Variants in OTUD3 observed in about 807,000 individuals in gnomAD.
OTUD3 encodes the protein OTU domain-containing protein 3.
Under a neutral mutation model 46.2 loss-of-function variants are expected in OTUD3, and 24 were observed. That is an observed-to-expected ratio of 0.52 (90% CI 0.38 to 0.73). The LOEUF (loss-of-function observed/expected upper bound fraction) is 0.73, where lower values mean the gene tolerates loss of function less well. Among genes scored for constraint, OTUD3 ranks in the 30% least tolerant of loss-of-function variants. The pLI, the probability that OTUD3 is intolerant of heterozygous loss-of-function variation, is 0.00. For synonymous variants in OTUD3, 189 were observed against 195.4 expected (o/e 0.97, Z 0.27); for missense variants, 455 against 523.3 (o/e 0.87, Z 1.27).
chr1:19,892,272 A>G (rs941496231), intron 2 of OTUD3, among the ~76,000 whole-genome samples: 3 of 152,196 alleles, frequency 2.0e-5, no homozygotes, highest in African/African-American at 7.2e-5. Context: ...AAGTCTGCAC[A>G]TTCTCTTTGT....
chr1:19,894,777 A>T (rs2045494488), intron 3 of OTUD3, among the ~76,000 whole-genome samples: 1 of 152,222 alleles, frequency 6.6e-6, no homozygotes, highest in African/African-American at 2.4e-5. Context: ...GTCACCCCCT[A>T]AAGTCAGAGT....
At chr1:19,907,545 TCAC>T in intron 7 of OTUD3, 22 bp from the exon 8 acceptor site, 1 of 1,611,472 alleles carries the variant, frequency 6.2e-7, no homozygotes, top group Non-Finnish European at 8.5e-7. Flanking sequence ...TGCTTCCTAC[TCAC>T]CACCATGGCC....
rs535763358 is a variant in OTUD3, at chr1:19,907,463, G to C, written c.1021-107G>C. 6.2e-5 allele frequency: 63 copies of C among 1,023,544 alleles called. No individual in the cohort carries two copies. In the East Asian group the frequency reaches 1.5e-3, roughly 25 times the overall value. The allele number at this position is 1,023,544 out of a possible 1,614,324, so 63.4% of individuals were successfully genotyped here. On this transcript the variant is annotated intron_variant, in intron 7 of 7. Transcript: ENST00000375120. ...TTGGCGTCTTAGATTGGTTTTCCCTGTTCCTGCTGAAAAGCAATCTGTGCC... is the reference window on the plus strand; with the variant it reads ...TTGGCGTCTTAGATTGGTTTTCCCTCTTCCTGCTGAAAAGCAATCTGTGCC...
intron 4 of OTUD3, among the ~76,000 whole-genome samples, chr1:19,901,795 C>G (rs1030005657): frequency 6.6e-6 from 1 of 152,108 alleles, no homozygotes. Flanking sequence ...GCTTCTTTCC[C>G]TCAGTATAAT....
chr1:19,901,662 A>G (rs1224399065), intron 4 of OTUD3, among the ~76,000 whole-genome samples: 1 of 152,202 alleles, frequency 6.6e-6, no homozygotes, highest in East Asian at 1.9e-4. Flanking sequence ...CCTCATATCC[A>G]TTAAGCAGTG....
At chr1:19,887,373 C>T (rs57861750) in intron 1 of OTUD3, among the ~76,000 whole-genome samples, 15,886 of 152,162 alleles carry the variant, frequency 0.1, 955 homozygotes, top group Admixed American at 0.15. Context: ...CATGAGCCAC[C>T]GCACCCGGCT....
chr1:19,886,666 AT>A (rs1284279682), intron 1 of OTUD3, among the ~76,000 whole-genome samples: 1 of 152,246 alleles, frequency 6.6e-6, no homozygotes, highest in East Asian at 1.9e-4. Context: ...AGAGTGACTG[AT>A]TTAGAGTCTA....
At chr1:19,898,741 A>C (rs1479674044) in intron 4 of OTUD3, among the ~76,000 whole-genome samples, 1 of 152,148 alleles carries the variant, frequency 6.6e-6, no homozygotes, top group Non-Finnish European at 1.5e-5. Context: ...AAAAAAAAAA[A>C]AAATTAGCAT....
intron 4 of OTUD3, among the ~76,000 whole-genome samples, chr1:19,903,547 C>G (rs1312098059): frequency 2.0e-5 from 3 of 152,168 alleles, no homozygotes; most frequent in African/African-American, 7.2e-5. Context: ...AAAAATAGAA[C>G]TGTCTTTGCC....
Position 19,882,455 on chromosome 1 carries a change from C to T in OTUD3, c.-59C>T. The stretch of plus-strand genomic sequence containing the variant: ...TGTTTTACCTTCCCAACGCTTGAGG[C>T]GGACGCTGGGGGGTCCTGCGCCTTT... On this transcript the variant is annotated 5_prime_UTR_variant, in exon 1 of 8. Transcript: ENST00000375120. 3 of 1,321,436 alleles carry T rather than the reference C, an allele frequency of 2.3e-6. No individual in the cohort carries two copies. Among genetic ancestry groups the T allele is most frequent in the East Asian group, 3.1e-5 (1 of 32,316 alleles). The allele number at this position is 1,321,436 out of a possible 1,614,324, so 81.9% of individuals were successfully genotyped here. A position where few individuals can be genotyped will look rare whatever the true frequency, so the allele number is the denominator to read the frequency against.
chr1:19,894,085 T>C (rs1428604882), intron 2 of OTUD3, among the ~76,000 whole-genome samples: 2 of 152,262 alleles, frequency 1.3e-5, no homozygotes, highest in African/African-American at 2.4e-5. Flanking sequence ...TTTATTGTTA[T>C]GTTTCTAGTG....
chr1:19,907,512 C>G, intron 7 of OTUD3, 58 bp from the exon 8 acceptor site: 1 of 1,528,124 alleles, frequency 6.5e-7, no homozygotes, highest in African/African-American at 1.4e-5. Flanking sequence ...TCCCTTCTAG[C>G]AGGTGGCAGC....
intron 4 of OTUD3, among the ~76,000 whole-genome samples, chr1:19,900,524 C>T (rs1400469364): frequency 6.6e-6 from 1 of 152,134 alleles, no homozygotes. Context: ...TAAATCTTGG[C>T]TTCATCTGAA....
chr1:19,897,589 G>A lies in OTUD3; in HGVS notation c.533G>A (p.Arg178Gln), dbSNP rs199964779. 23 of 1,613,934 alleles carry A rather than the reference G, an allele frequency of 1.4e-5. No homozygotes were observed. In the Admixed American group the frequency reaches 2.2e-4, roughly 15 times the overall value. ...SSVRELHIAY[R>Q]YGEHYDSVRR... ...GTGAGGGAGTTACACATCGCATATC[G>A]GTATGGAGAGCACTACGACAGTGTT... Residue 178 changes from arginine (R) to glutamine (Q), a missense_variant, in exon 4 of 8, where the codon CGG becomes CAG. By Grantham distance (43) the Arg-to-Gln change is conservative (BLOSUM62 1). Coordinates refer to ENST00000375120, the MANE Select transcript of OTUD3 (RefSeq NM_015207.2).
At chr1:19,897,518 T>A in intron 3 of OTUD3, 22 bp from the exon 4 acceptor site, 1 of 1,613,342 alleles carries the variant, frequency 6.2e-7, no homozygotes, top group Non-Finnish European at 8.5e-7. Context: ...CTCACTGGCA[T>A]GGCCCCTTCT....
chr1:19,902,030 G>A (rs1002576266), intron 4 of OTUD3, among the ~76,000 whole-genome samples: 4 of 152,092 alleles, frequency 2.6e-5, no homozygotes, highest in South Asian at 2.1e-4. Context: ...GATATACCTC[G>A]GAGTGGAATT....
chr1:19,894,233 T>C, intron 2 of OTUD3, 135 bp from the exon 3 acceptor site: 1 of 548,446 alleles, frequency 1.8e-6, no homozygotes, highest in Non-Finnish European at 3.2e-6. Flanking sequence ...ATTCCTAGAC[T>C]CTGACAAAGT....
At chr1:19,901,659 T>C (rs1019879064) in intron 4 of OTUD3, among the ~76,000 whole-genome samples, 3 of 152,196 alleles carry the variant, frequency 2.0e-5, no homozygotes, top group African/African-American at 7.2e-5. Context: ...AAACCTCATA[T>C]CCATTAAGCA....
rs372907505 is a variant in OTUD3 at position 19,882,632 on chromosome 1, G to T, written c.119G>T (p.Arg40Leu). 1.4e-6 allele frequency: 2 copies of T among 1,461,830 alleles called. No homozygotes were observed. 90.6% of individuals were successfully genotyped at this position (1,461,830 alleles called of 1,614,324 possible). The change falls in exon 1 of 8, where the codon CGG becomes CTG. Residue 40 changes from arginine (R) to leucine (L), a missense_variant. By Grantham distance (102) the Arg-to-Leu change is moderately radical. Coordinates refer to ENST00000375120, the MANE Select transcript of OTUD3 (RefSeq NM_015207.2). ...GCCCTGGCCAAGGAGCGGCGGAATC[G>T]GCCGGAGTCTGGCGGCGGCGGCGGC... ...RRALAKERRN[R>L]PESGGGGGCE...
Sources: gnomAD v4.1 joint callset for allele counts (sites outside exome capture counted in the v4.1 genomes callset) on GRCh38, gnomAD v4.1.1 for gene constraint, MANE v1.5 for transcripts, NCBI Gene and HGNC (gene_info 2026-07-23, HGNC 2026-07-21) for gene names.